The following ZER1 variants were observed in gnomAD, a reference collection of about 807,000 sequenced individuals.
ZER1 encodes zyg-11 related cell cycle regulator, also known as protein zer-1 homolog.
ZER1 carries 11 observed loss-of-function variants against 78.8 expected under a neutral mutation model. The observed-to-expected ratio is 0.14, with a 90% CI of 0.09 to 0.23. The LOEUF (loss-of-function observed/expected upper bound fraction) is 0.23. Among genes scored for constraint, ZER1 ranks in the 10% least tolerant of loss-of-function variants. The pLI, the probability that ZER1 is intolerant of heterozygous loss-of-function variation, is 1.00. For synonymous variants in ZER1, 400 were observed against 407.0 expected, an observed-to-expected ratio of 0.98 and a Z score of 0.21; for missense variants, 588 against 996.9, an observed-to-expected ratio of 0.59 and a Z score of 5.52.
At position 128,733,543 on chromosome 9, in the gene ZER1, C is replaced by G; in HGVS notation, c.2141-15G>C. On this transcript the variant is annotated splice_polypyrimidine_tract_variant and intron_variant, in intron 14 of 15. Coordinates refer to ENST00000291900, the MANE Select transcript of ZER1 (RefSeq NM_006336.4). Reference sequence around the variant, plus strand: ...GTACTTGTCCGCTGTGGGATAGGAGCAGACAGCAGAGGATCAGGATGGGTC... The same window carrying G: ...GTACTTGTCCGCTGTGGGATAGGAGGAGACAGCAGAGGATCAGGATGGGTC... 1 of 1,608,994 alleles carries G rather than the reference C, an allele frequency of 6.2e-7. No individual in the cohort carries two copies. Among genetic ancestry groups the G allele is most frequent in the Non-Finnish European group, 8.5e-7 (1 of 1,176,870 alleles).
rs1863248803 is a variant in ZER1, at chr9:128,740,395, T to C, written c.1854-276A>G. Among the ~76,000 whole-genome samples, 1 of 151,860 alleles carries C rather than the reference T, an allele frequency of 6.6e-6. No individual in the cohort carries two copies. Among genetic ancestry groups the C allele is most frequent in the Non-Finnish European group, 1.5e-5 (1 of 67,928 alleles). ...GAGATCGAGACCATCCTGGCTAACA[T>C]GGTGAAACCCCATCTCTACTAAAAA... On this transcript the variant is annotated intron_variant, in intron 12 of 15. Transcript: ENST00000291900. This position sits in a 1 kb window ranked among gnomAD's most constrained non-coding sequence, Gnocchi z 4.4.
intron 13 of ZER1, among the ~76,000 whole-genome samples, chr9:128,739,501 C>CA (rs563196410): frequency 0.04 from 3,122 of 77,626 alleles, 98 homozygotes; most frequent in African/African-American, 0.13. Context: ...GACTCTGTCT[C>CA]AAAAAAAAAA....
At chr9:128,766,714 C>T (rs940776070) in intron 1 of ZER1, among the ~76,000 whole-genome samples, 5 of 151,596 alleles carry the variant, frequency 3.3e-5, no homozygotes, top group Admixed American at 1.3e-4. Flanking sequence ...GGCATGGTGG[C>T]GGATGCCTGT....
chr9:128,756,367 T>G (rs1589537996), intron 1 of ZER1, among the ~76,000 whole-genome samples: 1 of 151,658 alleles, frequency 6.6e-6, no homozygotes, highest in African/African-American at 2.4e-5. Context: ...AATGGCGGAG[T>G]GCGGTGAGCC....
rs755186361 is a variant in ZER1 at position 128,735,334 on chromosome 9, G to A, written c.2140C>T (p.Pro714Ser). The A allele has an allele frequency of 3.2e-5, 51 of 1,612,498 alleles. No homozygotes were observed. Among genetic ancestry groups the A allele is most frequent in the Middle Eastern group, 1.7e-4 (1 of 5,906 alleles). ...WALYNLVSVYPDKYCPLLIKE... is the reference protein window; with the variant it reads ...WALYNLVSVYSDKYCPLLIKE... ...GAACCCAGGACAAGTTGGCACTCAC[G>A]GTAGACAGACACGAGGTTATACAGG... is the stretch of plus-strand genomic sequence containing the variant. The change falls in exon 14 of 16, where the codon CCG (proline) becomes TCG (serine). Residue 714 changes from proline to serine, a missense_variant and splice_region_variant. By Grantham distance (74) the Pro-to-Ser change is moderately conservative. Transcript: ENST00000291900.
rs1477947726 is a variant in ZER1, at chr9:128,739,936, A to G, written c.2037T>C (p.Asn679=). 2 of 1,606,646 alleles carry G rather than the reference A, an allele frequency of 1.2e-6. No individual in the cohort carries two copies. Among genetic ancestry groups the G allele is most frequent in the Admixed American group, 3.3e-5 (2 of 59,842 alleles). The part of the protein sequence containing the change: ...SWDINSRRNI[N]YRSFEPILRL... ...GCTCCCTGCCCTGCCCACACCTGTA[A>G]TTGATGTTTCTCCGAGAGTTTATGT... is the stretch of plus-strand genomic sequence containing the variant. The change falls in exon 13 of 16, where the codon AAT becomes AAC. Residue 679 remains asparagine, a synonymous_variant. Transcript: ENST00000291900.
At chr9:128,746,559 G>C (rs536024679) in intron 8 of ZER1, among the ~76,000 whole-genome samples, 6 of 149,872 alleles carry the variant, frequency 4.0e-5, no homozygotes, top group Non-Finnish European at 5.9e-5. Context: ...CACTTCCCAG[G>C]CTCAAGCAAT....
chr9:128,766,921 T>G (rs2132492164), intron 1 of ZER1, among the ~76,000 whole-genome samples: 1 of 148,690 alleles, frequency 6.7e-6, no homozygotes, highest in Admixed American at 6.7e-5. Context: ...ACAGATAACT[T>G]ATTTATTTAT....
chr9:128,753,645 T>TC lies in ZER1; in HGVS notation c.310-46dup, dbSNP rs755371292. On this transcript the variant is annotated intron_variant, in intron 3 of 15. Coordinates refer to ENST00000291900, the MANE Select transcript of ZER1 (RefSeq NM_006336.4). The surrounding 1 kb of genome is among the most constrained non-coding windows in gnomAD (Gnocchi z 7.5). The stretch of plus-strand genomic sequence containing the variant: ...CATCATCATCACCACCCTTGCCCCT[T>TC]CCCCCGGCCCCAGGCCTTGCCCTGG... 1 of 1,594,798 alleles carries TC rather than the reference T, an allele frequency of 6.3e-7. No individual in the cohort carries two copies. Among genetic ancestry groups the TC allele is most frequent in the Admixed American group, 1.7e-5 (1 of 58,916 alleles).
In ZER1 at chr9:128,742,616, G is replaced by T; in HGVS notation, c.1489C>A (p.Arg497=). The change falls in exon 9 of 16, where the codon CGG becomes AGG. Residue 497 remains arginine, a synonymous_variant. Coordinates refer to ENST00000291900, the MANE Select transcript of ZER1 (RefSeq NM_006336.4). ...GCATTGCACAGGTGCACGGCGATCC[G>T]CTGGATAGACTCGTCCTGCCGCGTG... ...NPTRQDESIQ[R]IAVHLCNALV... is the part of the protein sequence containing the mutation. The T allele has an allele frequency of 6.2e-7, 1 of 1,614,226 alleles. No individual in the cohort carries two copies. Among genetic ancestry groups the T allele is most frequent in the South Asian group, 1.1e-5 (1 of 91,088 alleles).
Position 128,732,909 on chromosome 9 carries a change from G to A in ZER1, c.2243+517C>T, listed in dbSNP as rs567401510. 1 of 158,630 alleles carries A rather than the reference G, an allele frequency of 6.3e-6. No individual in the cohort carries two copies. Among genetic ancestry groups the A allele is most frequent in the South Asian group, 1.9e-4 (1 of 5,362 alleles). 9.8% of individuals were successfully genotyped at this position (158,630 alleles called of 1,614,324 possible). ...CGTCGCATCCCTGAGAGTCTCTCGT[G>A]TCCTGATCAACTCGAGAACTGGAGG... On this transcript the variant is annotated intron_variant, in intron 15 of 15. Coordinates refer to ENST00000291900, the MANE Select transcript of ZER1 (RefSeq NM_006336.4). The surrounding 1 kb of genome is among the most constrained non-coding windows in gnomAD (Gnocchi z 4.8).
In ZER1 at chr9:128,731,265, C is replaced by A; in HGVS notation, c.*72G>T. On this transcript the variant is annotated 3_prime_UTR_variant, in exon 16 of 16. Coordinates refer to ENST00000291900, the MANE Select transcript of ZER1 (RefSeq NM_006336.4). ...GAGGCTCCCTCGGAAGGGGCCCGCC[C>A]GCTGGGCTGCTTGAGCATGCTTCCT... is the stretch of plus-strand genomic sequence containing the variant. The A allele has an allele frequency of 1.3e-6, 2 of 1,530,168 alleles. No homozygotes were observed. The highest frequency in any genetic ancestry group is 2.3e-5 in the East Asian group (1 of 43,898). 94.8% of individuals were successfully genotyped at this position (1,530,168 alleles called of 1,614,324 possible).
In ZER1 at chr9:128,751,362, T is replaced by C. The variant is rs756884459; in HGVS notation, c.1038+51A>G. The C allele has an allele frequency of 1.2e-6, 2 of 1,612,520 alleles. No homozygotes were observed. The highest frequency in any genetic ancestry group is 1.7e-6 in the Non-Finnish European group (2 of 1,178,830). On this transcript the variant is annotated intron_variant, in intron 6 of 15. Coordinates refer to ENST00000291900, the MANE Select transcript of ZER1 (RefSeq NM_006336.4). The surrounding 1 kb of genome is among the most constrained non-coding windows in gnomAD (Gnocchi z 5.4). The stretch of plus-strand genomic sequence containing the variant: ...TCTCCAGCCCCAGAATCCAGCTCCT[T>C]CTCTCTCCCAAGGCTCCCTGGCCCA...
chr9:128,763,198 G>GT (rs1222443605), intron 1 of ZER1, among the ~76,000 whole-genome samples: 2 of 152,188 alleles, frequency 1.3e-5, no homozygotes, highest in Non-Finnish European at 2.9e-5. Flanking sequence ...CCTCCAGGAA[G>GT]TATCTCCTGG....
intron 8 of ZER1, among the ~76,000 whole-genome samples, chr9:128,747,839 G>C (rs1022388546): frequency 2.6e-5 from 4 of 152,152 alleles, no homozygotes; most frequent in African/African-American, 9.7e-5. Context: ...GGCTGGTCTG[G>C]AACTCCTGAT....
rs1863815017 is a variant in ZER1 at position 128,755,175 on chromosome 9, A to G, written c.158+233T>C. On this transcript the variant is annotated intron_variant, in intron 2 of 15. Coordinates refer to ENST00000291900, the MANE Select transcript of ZER1 (RefSeq NM_006336.4). This position sits in a 1 kb window ranked among gnomAD's most constrained non-coding sequence, Gnocchi z 5.6. The stretch of plus-strand genomic sequence containing the variant: ...TAAGCTTACATGTGTACACACACCC[A>G]TGCCTTCACGTGCACACCCCTCCAC... 6.6e-6 allele frequency among the ~76,000 whole-genome samples: 1 copy of G among 152,082 alleles called. No individual in the cohort carries two copies. Among genetic ancestry groups the G allele is most frequent in the South Asian group, 2.1e-4 (1 of 4,830 alleles).
rs1564394640 is a variant in ZER1, at chr9:128,740,423, C to CA, written c.1854-305dup. 6.6e-6 allele frequency among the ~76,000 whole-genome samples: 1 copy of CA among 151,742 alleles called. No homozygotes were observed. The highest frequency in any genetic ancestry group is 2.1e-4 in the South Asian group (1 of 4,794). On this transcript the variant is annotated intron_variant, in intron 12 of 15. Coordinates refer to ENST00000291900, the MANE Select transcript of ZER1 (RefSeq NM_006336.4). The surrounding 1 kb of genome is among the most constrained non-coding windows in gnomAD (Gnocchi z 4.4). The stretch of plus-strand genomic sequence containing the variant: ...TGAAACCCCATCTCTACTAAAAATA[C>CA]AAAAAAATTAGCTGGGCGTGGTGGC...
In ZER1 at chr9:128,740,190, C is replaced by G. The variant is rs1221301680; in HGVS notation, c.1854-71G>C. 1.4e-6 allele frequency: 2 copies of G among 1,447,866 alleles called. No individual in the cohort carries two copies. Among genetic ancestry groups the G allele is most frequent in the Non-Finnish European group, 1.9e-6 (2 of 1,073,578 alleles). The allele number at this position is 1,447,866 out of a possible 1,614,324, so 89.7% of individuals were successfully genotyped here. On this transcript the variant is annotated intron_variant, in intron 12 of 15. Coordinates refer to ENST00000291900, the MANE Select transcript of ZER1 (RefSeq NM_006336.4). The surrounding 1 kb of genome is among the most constrained non-coding windows in gnomAD (Gnocchi z 4.4). ...CTCTTCAGATACCAGCGGCAGGACCCCAACTTAAAACCAGAAGCAAGAGGT... is the reference window on the plus strand; with the variant it reads ...CTCTTCAGATACCAGCGGCAGGACCGCAACTTAAAACCAGAAGCAAGAGGT...
intron 13 of ZER1, among the ~76,000 whole-genome samples, chr9:128,738,799 A>G (rs1291248844): frequency 6.7e-6 from 1 of 149,882 alleles, no homozygotes; most frequent in Non-Finnish European, 1.5e-5. Context: ...CTCCTGCCTC[A>G]GCCTCCCCAG....
Sources: allele counts gnomAD v4.1 joint callset (sites outside exome capture counted in the v4.1 genomes callset), GRCh38; gene constraint gnomAD v4.1.1; non-coding constraint Gnocchi (gnomAD v3.1); transcripts MANE v1.5; gene names NCBI Gene and HGNC (gene_info 2026-07-23, HGNC 2026-07-21).